The following EFCAB14 variants were observed in gnomAD, a reference collection of about 807,000 sequenced individuals.
The protein encoded by EFCAB14 is EF-hand calcium binding domain 14.
In EFCAB14, 43 loss-of-function variants were observed where a neutral mutation model predicts 56.5. The ratio of observed to expected loss-of-function variants is 0.76; its 90% CI spans 0.60 to 0.98. EFCAB14 has a LOEUF of 0.98. EFCAB14 is among the 50% of genes least tolerant of loss of function. EFCAB14 has a pLI of 0.00. For synonymous variants in EFCAB14, 235 were observed against 212.9 expected (o/e 1.10, Z -0.90); for missense variants, 538 against 580.3 (o/e 0.93, Z 0.75).
chr1:46,694,712 G>T (rs1207642649), intron 4 of EFCAB14, among the ~76,000 whole-genome samples: 1 of 152,134 alleles, frequency 6.6e-6, no homozygotes, highest in Non-Finnish European at 1.5e-5. Flanking sequence ...ATTTGACCCA[G>T]CCATCCCGTT....
At chr1:46,679,443 G>A (rs1257741913) in intron 10 of EFCAB14, among the ~76,000 whole-genome samples, 3 of 151,720 alleles carry the variant, frequency 2.0e-5, no homozygotes, top group African/African-American at 7.3e-5. Flanking sequence ...TGGGATTACA[G>A]GCGCCCGCCA....
At chr1:46,691,107 C>A (rs1400628774) in intron 5 of EFCAB14, among the ~76,000 whole-genome samples, 2 of 152,180 alleles carry the variant, frequency 1.3e-5, no homozygotes, top group African/African-American at 4.8e-5. Context: ...CAAATGACTG[C>A]AGACAGCTTA....
At chr1:46,680,363 A>G (rs1002003225) in intron 10 of EFCAB14, among the ~76,000 whole-genome samples, 5 of 152,264 alleles carry the variant, frequency 3.3e-5, no homozygotes, top group Admixed American at 1.3e-4. Context: ...ACAGAATGGA[A>G]TATTATTCAG....
intron 9 of EFCAB14, 73 bp downstream of exon 9, chr1:46,684,417 CT>C: frequency 8.1e-7 from 1 of 1,236,816 alleles, no homozygotes; most frequent in Non-Finnish European, 1.2e-6. Context: ...GCTGGAACAC[CT>C]TCCCTGCTCC....
rs531625182 is a variant in EFCAB14 at position 46,676,365 on chromosome 1, T to C, written c.*2096A>G. On this transcript the variant is annotated 3_prime_UTR_variant, in exon 11 of 11. Coordinates refer to ENST00000371933, the MANE Select transcript of EFCAB14 (RefSeq NM_014774.3). ...AAAACAAAATGGATTTCTCCATGTA[T>C]AGTTATCTGATGCAAGGGAAAATAC... 1 of 152,386 alleles carries C rather than the reference T, an allele frequency of 6.6e-6. No individual in the cohort carries two copies. Among genetic ancestry groups the C allele is most frequent in the African/African-American group, 2.4e-5 (1 of 41,452 alleles). 9.4% of individuals were successfully genotyped at this position (152,386 alleles called of 1,614,324 possible).
intron 10 of EFCAB14, among the ~76,000 whole-genome samples, chr1:46,680,262 AT>A (rs1378296720): frequency 6.6e-6 from 1 of 152,226 alleles, no homozygotes; most frequent in Non-Finnish European, 1.5e-5. Flanking sequence ...TTGCACATGA[AT>A]GTTCATGGCA....
At chr1:46,699,365 T>A (rs1262322515) in intron 3 of EFCAB14, among the ~76,000 whole-genome samples, 1 of 152,230 alleles carries the variant, frequency 6.6e-6, no homozygotes, top group Admixed American at 6.5e-5. Flanking sequence ...TTTCTTTTCA[T>A]AGCACTTCTC....
intron 3 of EFCAB14, among the ~76,000 whole-genome samples, chr1:46,699,656 A>G (rs1438290800): frequency 1.3e-5 from 2 of 152,168 alleles, no homozygotes; most frequent in African/African-American, 4.8e-5. Flanking sequence ...ACTGGGTATA[A>G]TAATAATAAC....
chr1:46,717,599 C>T (rs1677417415), intron 1 of EFCAB14, among the ~76,000 whole-genome samples: 1 of 152,216 alleles, frequency 6.6e-6, no homozygotes, highest in South Asian at 2.1e-4. Flanking sequence ...CCCAAAGCTT[C>T]TCTGCTCCTC....
At chr1:46,698,065 C>T (rs1677102395) in intron 3 of EFCAB14, among the ~76,000 whole-genome samples, 1 of 152,082 alleles carries the variant, frequency 6.6e-6, no homozygotes, top group South Asian at 2.1e-4. Context: ...GTTGGCCAGG[C>T]TGGTCTTGAA....
Position 46,676,624 on chromosome 1 carries a change from ATATT to A in EFCAB14, c.*1833_*1836del, listed in dbSNP as rs1318246437. ...TTAGAAAATCTGTAAGGGTGTATAT[ATATT>A]AAAAAAAGGTGTGGGGTGAGAGTGG... On this transcript the variant is annotated 3_prime_UTR_variant, in exon 11 of 11. Coordinates refer to ENST00000371933, the MANE Select transcript of EFCAB14 (RefSeq NM_014774.3). 1.3e-5 allele frequency: 2 copies of A among 152,730 alleles called. No individual in the cohort carries two copies. The highest frequency in any genetic ancestry group is 3.9e-4 in the East Asian group (2 of 5,186). The allele number at this position is 152,730 out of a possible 1,614,324, so 9.5% of individuals were successfully genotyped here. A position where few individuals can be genotyped will look rare whatever the true frequency, so the allele number is the denominator to read the frequency against.
intron 3 of EFCAB14, among the ~76,000 whole-genome samples, chr1:46,698,743 AAGT>A (rs1217211504): frequency 6.6e-6 from 1 of 152,154 alleles, no homozygotes; most frequent in African/African-American, 2.4e-5. Context: ...CAGAGAGACA[AAGT>A]AGGTGGTGAG....
rs1347609195 is a variant in EFCAB14 at position 46,675,204 on chromosome 1, T to C, written c.*3257A>G. The C allele has an allele frequency of 6.6e-6, 1 of 152,640 alleles. No individual in the cohort carries two copies. The highest frequency in any genetic ancestry group is 1.5e-5 in the Non-Finnish European group (1 of 68,038). The allele number at this position is 152,640 out of a possible 1,614,324, so 9.5% of individuals were successfully genotyped here. On this transcript the variant is annotated 3_prime_UTR_variant, in exon 11 of 11. Transcript: ENST00000371933. Reference sequence around the variant, plus strand: ...TTTTATTTAGCTAAATTAAAATGGCTGTGTTACTTATTTGAAATATGCAAA... The same window carrying C: ...TTTTATTTAGCTAAATTAAAATGGCCGTGTTACTTATTTGAAATATGCAAA...
rs76974144 is a variant in EFCAB14 at position 46,695,373 on chromosome 1, T to C, written c.579+1178A>G. Among the ~76,000 whole-genome samples the C allele has an allele frequency of 9.5e-5, 14 of 147,570 alleles. No individual in the cohort carries two copies. In the South Asian group the frequency reaches 1.1e-3, roughly 11 times the overall value. On this transcript the variant is annotated intron_variant, in intron 4 of 10. Transcript: ENST00000371933. The stretch of plus-strand genomic sequence containing the variant: ...CAGAGTTGTCCCTACCCCTTTTTTT[T>C]CCCCCCGAATTTGTAAGTAGATGGC...
chr1:46,706,236 C>T (rs1677232316), intron 3 of EFCAB14, among the ~76,000 whole-genome samples: 1 of 152,158 alleles, frequency 6.6e-6, no homozygotes, highest in Non-Finnish European at 1.5e-5. Context: ...CTTAAGTTTA[C>T]AGTTTCCAAA....
intron 7 of EFCAB14, among the ~76,000 whole-genome samples, 170 bp downstream of exon 7, chr1:46,688,183 T>A (rs11211340): frequency 0.38 from 57,941 of 152,012 alleles, 12,623 homozygotes; most frequent in Non-Finnish European, 0.5. Context: ...GCCATTCACA[T>A]CACACAGCTA....
At chr1:46,704,053 T>G (rs1172102418) in intron 3 of EFCAB14, among the ~76,000 whole-genome samples, 1 of 152,224 alleles carries the variant, frequency 6.6e-6, no homozygotes, top group African/African-American at 2.4e-5. Flanking sequence ...CTAGGTGAGA[T>G]ACATACTTAA....
At chr1:46,700,986 A>AGTGAGTGTGTGTGTGT (rs145670885) in intron 3 of EFCAB14, among the ~76,000 whole-genome samples, 17 of 142,940 alleles carry the variant, frequency 1.2e-4, no homozygotes, top group South Asian at 6.8e-4. Context: ...AGAGTGAGTG[A>AGTGAGTGTGTGTGTGT]GTGTGTGTGT....
intron 8 of EFCAB14, among the ~76,000 whole-genome samples, chr1:46,686,440 G>C (rs1380275761): frequency 1.3e-5 from 2 of 152,132 alleles, no homozygotes; most frequent in South Asian, 2.1e-4. Context: ...ATCATATCCT[G>C]TATTTGTCCT....
Sources: allele counts gnomAD v4.1 joint callset (sites outside exome capture counted in the v4.1 genomes callset), GRCh38; gene constraint gnomAD v4.1.1; transcripts MANE v1.5; gene names NCBI Gene and HGNC (gene_info 2026-07-23, HGNC 2026-07-21).